ETS1: variants seen among roughly 807,000 people sequenced by gnomAD.
ETS1 encodes ETS proto-oncogene 1, transcription factor, also known as protein C-ets-1.
In ETS1, 15 loss-of-function variants were observed where a neutral mutation model predicts 58.6. That is an observed-to-expected ratio of 0.26 (90% CI 0.17 to 0.39). ETS1 has a LOEUF of 0.39. ETS1 is among the 10% of genes least tolerant of loss of function. ETS1 has a pLI of 1.00. For missense variants in ETS1, 417 were observed against 610.5 expected (o/e 0.68, Z 3.34); for synonymous variants, 214 against 218.2 (o/e 0.98, Z 0.17).
chr11:128,515,185 T>C (rs978955915), intron 3 of ETS1, among the ~76,000 whole-genome samples: 4 of 152,034 alleles, frequency 2.6e-5, no homozygotes, highest in Admixed American at 1.3e-4. Flanking sequence ...AAAACAAAAA[T>C]TGCAATTGTC....
At chr11:128,584,009 A>G (rs912923686) in intron 1 of ETS1, among the ~76,000 whole-genome samples, 1 of 152,170 alleles carries the variant, frequency 6.6e-6, no homozygotes, top group African/African-American at 2.4e-5. Flanking sequence ...TTTCATTTTT[A>G]TCCTCTTTTC....
At chr11:128,563,780 T>C (rs756241819) in intron 2 of ETS1, among the ~76,000 whole-genome samples, 15 of 152,234 alleles carry the variant, frequency 9.9e-5, no homozygotes, top group Non-Finnish European at 2.2e-4. Flanking sequence ...TGTCACCATC[T>C]GCCCCACATT....
chr11:128,462,786 C>T (rs192721472), intron 9 of ETS1, among the ~76,000 whole-genome samples: 1 of 152,042 alleles, frequency 6.6e-6, no homozygotes, highest in Admixed American at 6.6e-5. Flanking sequence ...ATGGGAGTCA[C>T]AATGATTCTT....
chr11:128,474,064 T>G (rs1484773849), intron 8 of ETS1, among the ~76,000 whole-genome samples: 1 of 152,204 alleles, frequency 6.6e-6, no homozygotes, highest in Admixed American at 6.5e-5. Flanking sequence ...TGAGACTTTA[T>G]TAAAGAAACA....
chr11:128,465,556 G>A (rs913976194), intron 8 of ETS1, among the ~76,000 whole-genome samples: 2 of 152,084 alleles, frequency 1.3e-5, no homozygotes, highest in African/African-American at 4.8e-5. Flanking sequence ...ACAGCAAATC[G>A]CTCTCAAGAA....
chr11:128,505,742 C>G (rs1391627726), intron 3 of ETS1, among the ~76,000 whole-genome samples: 1 of 152,194 alleles, frequency 6.6e-6, no homozygotes, highest in Non-Finnish European at 1.5e-5. Context: ...GAGCTTAAGC[C>G]ACTCTCCATC....
intron 1 of ETS1, among the ~76,000 whole-genome samples, chr11:128,580,986 G>A (rs780242812): frequency 6.6e-6 from 1 of 152,200 alleles, no homozygotes; most frequent in Non-Finnish European, 1.5e-5. Context: ...ATTTTAAAGA[G>A]TATATTGTTT....
intron 3 of ETS1, among the ~76,000 whole-genome samples, chr11:128,511,552 C>T (rs1394919744): frequency 6.6e-6 from 1 of 152,110 alleles, no homozygotes; most frequent in African/African-American, 2.4e-5. Flanking sequence ...TCATACTAAT[C>T]TGTGCATAGT....
intron 8 of ETS1, among the ~76,000 whole-genome samples, chr11:128,474,155 G>T (rs753483758): frequency 6.6e-6 from 1 of 152,174 alleles, no homozygotes; most frequent in South Asian, 2.1e-4. Flanking sequence ...GGGTCAACCC[G>T]TGAGTCTCCT....
intron 8 of ETS1, among the ~76,000 whole-genome samples, chr11:128,469,456 T>A (rs1862126114): frequency 6.6e-6 from 1 of 152,102 alleles, no homozygotes; most frequent in Non-Finnish European, 1.5e-5. Context: ...CACAAGTGTA[T>A]CAATCTGCCT....
At chr11:128,513,803 A>G (rs1346107230) in intron 3 of ETS1, among the ~76,000 whole-genome samples, 1 of 152,178 alleles carries the variant, frequency 6.6e-6, no homozygotes, top group Non-Finnish European at 1.5e-5. Context: ...CGTAATCCCA[A>G]CATTTTAGGA....
intron 3 of ETS1, among the ~76,000 whole-genome samples, chr11:128,503,840 G>A (rs1289262832): frequency 2.0e-5 from 3 of 152,150 alleles, no homozygotes; most frequent in Non-Finnish European, 2.9e-5. Flanking sequence ...CAGAGAAGAT[G>A]CAGAAATCCC....
At chr11:128,574,461 C>T (rs913741309) in intron 1 of ETS1, among the ~76,000 whole-genome samples, 9 of 152,166 alleles carry the variant, frequency 5.9e-5, no homozygotes, top group Admixed American at 3.9e-4. Flanking sequence ...AGCAAAACCA[C>T]CCCAGGAAGA....
chr11:128,585,286 G>C (rs953070899), intron 1 of ETS1, among the ~76,000 whole-genome samples: 4 of 143,932 alleles, frequency 2.8e-5, no homozygotes, highest in Non-Finnish European at 6.0e-5. Context: ...GAAAAGAAAA[G>C]AAAGATAGAA....
rs1456180830 is a variant in ETS1, at chr11:128,571,508, A to AGCG, written c.69+1553_69+1554insCGC. On this transcript the variant is annotated intron_variant, in intron 2 of 9. Coordinates refer to ENST00000392668, the MANE Select transcript of ETS1 (RefSeq NM_001143820.2). Reference sequence around the variant, plus strand: ...GACAGAGCAAGACTCCGTCAAAAAAAAAAAAAAAAAAAAAAAAAAAAAAAA... The same window carrying AGCG: ...GACAGAGCAAGACTCCGTCAAAAAAAGCGAAAAAAAAAAAAAAAAAAAAAAAAA... 3.9e-3 allele frequency among the ~76,000 whole-genome samples: 21 copies of AGCG among 5,376 alleles called. 2 individuals are homozygous for AGCG. The highest frequency in any genetic ancestry group is 0.034 in the African/African-American group (19 of 552). 3.5% of individuals were successfully genotyped at this position (5,376 alleles called of 152,430 possible). A position where few individuals can be genotyped will look rare whatever the true frequency, so the allele number is the denominator to read the frequency against.
intron 1 of ETS1, among the ~76,000 whole-genome samples, chr11:128,586,136 G>C (rs977794816): frequency 6.6e-6 from 1 of 152,224 alleles, no homozygotes; most frequent in African/African-American, 2.4e-5. Context: ...AACCAGGACG[G>C]AAGAGGCTGC....
chr11:128,568,638 C>T (rs1442371671), intron 2 of ETS1, among the ~76,000 whole-genome samples: 1 of 152,208 alleles, frequency 6.6e-6, no homozygotes, highest in Non-Finnish European at 1.5e-5. Flanking sequence ...ACCATGAGTC[C>T]TGCTTTTGAG....
chr11:128,468,705 G>A (rs182537117), intron 8 of ETS1, among the ~76,000 whole-genome samples: 7 of 152,144 alleles, frequency 4.6e-5, no homozygotes, highest in Admixed American at 6.5e-5. Context: ...ATAGTACATG[G>A]CTTACACCAA....
At chr11:128,534,880 T>G (rs1181679785) in intron 3 of ETS1, among the ~76,000 whole-genome samples, 1 of 152,246 alleles carries the variant, frequency 6.6e-6, no homozygotes, top group Non-Finnish European at 1.5e-5. Context: ...ATTGCTGCAA[T>G]GAACATACGC....
Sources: allele counts gnomAD v4.1 joint callset (sites outside exome capture counted in the v4.1 genomes callset), GRCh38; gene constraint gnomAD v4.1.1; transcripts MANE v1.5; gene names NCBI Gene and HGNC (gene_info 2026-07-23, HGNC 2026-07-21).